BCHE: variants seen among roughly 807,000 people sequenced by gnomAD.
The protein encoded by BCHE is cholinesterase.
Under a neutral mutation model 51.3 loss-of-function variants are expected in BCHE, and 48 were observed. The observed-to-expected ratio is 0.94, with a 90% confidence interval of 0.74 to 1.19. BCHE has a LOEUF of 1.19. BCHE is among the 50% of genes most tolerant of loss of function. The probability of loss-of-function intolerance (pLI) is 0.00; values close to 1 mark genes in which losing one functional copy is unlikely to be tolerated. For synonymous variants in BCHE, 251 were observed against 238.0 expected (o/e 1.05, Z -0.50); for missense variants, 847 against 708.2 (o/e 1.20, Z -2.23).
chr3:165,797,360 C>T, intron 2 of BCHE, among the ~76,000 whole-genome samples: 1 of 109,802 alleles, frequency 9.1e-6, no homozygotes. Flanking sequence ...CTCCTTTCTT[C>T]CTTCCTTCCT....
chr3:165,809,684 C>A (rs1167048964), intron 2 of BCHE, among the ~76,000 whole-genome samples: 9 of 151,996 alleles, frequency 5.9e-5, no homozygotes, highest in Non-Finnish European at 8.8e-5. Flanking sequence ...ATAATTCACC[C>A]AAATTTCCAT....
At chr3:165,779,491 A>G (rs1398450675) in intron 3 of BCHE, among the ~76,000 whole-genome samples, 1 of 152,180 alleles carries the variant, frequency 6.6e-6, no homozygotes, top group Admixed American at 6.6e-5. Flanking sequence ...TTGTTCGTAG[A>G]CAACATGATT....
chr3:165,831,329 C>G (rs1219090987), intron 1 of BCHE, among the ~76,000 whole-genome samples: 3 of 151,952 alleles, frequency 2.0e-5, no homozygotes, highest in Non-Finnish European at 4.4e-5. Context: ...GAATGTTTGT[C>G]CTAGCCAAAT....
chr3:165,808,050 C>G (rs967849959), intron 2 of BCHE, among the ~76,000 whole-genome samples: 7 of 151,960 alleles, frequency 4.6e-5, no homozygotes, highest in Non-Finnish European at 7.4e-5. Flanking sequence ...GTGGCGCGAT[C>G]TCAGCTCACT....
At position 165,787,786 on chromosome 3, in the gene BCHE, G is replaced by A. The variant is rs550022628; in HGVS notation, c.1518-1475C>T. 3.9e-5 allele frequency among the ~76,000 whole-genome samples: 6 copies of A among 151,952 alleles called. No homozygotes were observed. In the South Asian group the frequency reaches 8.3e-4, roughly 21 times the overall value. ...CAGCCCTGGAAAATTGTTTGAAATC[G>A]AACTTGTAGGCATTTACTACTCTTG... On this transcript the variant is annotated intron_variant, in intron 2 of 3. Coordinates refer to ENST00000264381, the MANE Select transcript of BCHE (RefSeq NM_000055.4).
intron 3 of BCHE, among the ~76,000 whole-genome samples, chr3:165,779,072 G>A (rs905322770): frequency 1.5e-4 from 23 of 152,114 alleles, no homozygotes; most frequent in South Asian, 6.2e-4. Flanking sequence ...TGGTGTTTTG[G>A]AGAGGGGATT....
chr3:165,833,348 G>T (rs1715058681), intron 1 of BCHE, among the ~76,000 whole-genome samples: 1 of 152,076 alleles, frequency 6.6e-6, no homozygotes, highest in Admixed American at 6.6e-5. Flanking sequence ...CATTATAAGT[G>T]TACTCACGCA....
chr3:165,796,781 T>C (rs1404603009), intron 2 of BCHE, among the ~76,000 whole-genome samples: 1 of 152,128 alleles, frequency 6.6e-6, no homozygotes, highest in East Asian at 1.9e-4. Flanking sequence ...TGAAAACAAA[T>C]TGGTTTCCAG....
chr3:165,804,333 A>C (rs1713789311), intron 2 of BCHE, among the ~76,000 whole-genome samples: 1 of 152,214 alleles, frequency 6.6e-6, no homozygotes, highest in Admixed American at 6.5e-5. Flanking sequence ...AAAATGGGAA[A>C]GTAGCTATTA....
At chr3:165,781,490 A>T (rs953122787) in intron 3 of BCHE, among the ~76,000 whole-genome samples, 4 of 152,108 alleles carry the variant, frequency 2.6e-5, no homozygotes, top group Admixed American at 6.6e-5. Flanking sequence ...CTAACACAGG[A>T]ACAGAAAACC....
chr3:165,773,580 C>A, intron 3 of BCHE, 74 bp from the exon 4 acceptor site: 2 of 1,372,218 alleles, frequency 1.5e-6, no homozygotes, highest in Non-Finnish European at 2.0e-6. Context: ...ATTTCGAATA[C>A]AAAAGCCATT....
At chr3:165,827,559 TCTC>T (rs1714772639) in intron 2 of BCHE, among the ~76,000 whole-genome samples, 1 of 151,892 alleles carries the variant, frequency 6.6e-6, no homozygotes, top group South Asian at 2.1e-4. Context: ...TTCTTTGTGT[TCTC>T]CATTGTGAAA....
intron 2 of BCHE, among the ~76,000 whole-genome samples, chr3:165,813,201 A>G (rs1273388248): frequency 6.6e-6 from 1 of 151,852 alleles, no homozygotes; most frequent in African/African-American, 2.4e-5. Context: ...CTACTTACCA[A>G]TAAAATTTAC....
chr3:165,800,607 A>G (rs1312378975), intron 2 of BCHE, among the ~76,000 whole-genome samples: 1 of 152,138 alleles, frequency 6.6e-6, no homozygotes, highest in East Asian at 1.9e-4. Context: ...CTCTGTATAT[A>G]TAGACCTCAA....
chr3:165,774,680 C>T (rs1321181163), intron 3 of BCHE, among the ~76,000 whole-genome samples: 1 of 152,068 alleles, frequency 6.6e-6, no homozygotes, highest in Non-Finnish European at 1.5e-5. Context: ...TTGTTTCAGC[C>T]ACTTACCTTG....
chr3:165,830,870 G>C lies in BCHE; in HGVS notation c.164C>G (p.Ala55Gly), dbSNP rs114355070. Residue 55 changes from alanine (A) to glycine (G), a missense_variant, in exon 2 of 4, where the codon GCC becomes GGC. Coordinates refer to ENST00000264381, the MANE Select transcript of BCHE (RefSeq NM_000055.4). ...CTGTGCATAGGGAATTCCAAGAAAG[G>C]CTGTTACCGTGCCACCAAAAACTGT... ...NLTVFGGTVTAFLGIPYAQPP... is the reference protein window; with the variant it reads ...NLTVFGGTVTGFLGIPYAQPP... The C allele has an allele frequency of 2.1e-5, 34 of 1,613,816 alleles. No individual in the cohort carries two copies. The highest frequency in any genetic ancestry group is 3.3e-4 in the Middle Eastern group (2 of 6,082).
chr3:165,836,515 C>A (rs1443195961), intron 1 of BCHE, among the ~76,000 whole-genome samples: 2 of 151,874 alleles, frequency 1.3e-5, no homozygotes, highest in Non-Finnish European at 2.9e-5. Context: ...TTTCAGTTTA[C>A]TTTTAGTCAT....
chr3:165,781,597 G>C (rs1326026201), intron 3 of BCHE, among the ~76,000 whole-genome samples: 1 of 149,462 alleles, frequency 6.7e-6, no homozygotes, highest in Non-Finnish European at 1.5e-5. Context: ...GTCGGGGGTG[G>C]AGGGTGAGGG....
chr3:165,830,557 C>G lies in BCHE; in HGVS notation c.477G>C (p.Lys159Asn). Reference protein sequence around the residue: ...GTSSLHVYDGKFLARVERVIV... With the variant: ...GTSSLHVYDGNFLARVERVIV... ...TAACTCTTTCAACCCGAGCCAGAAA[C>G]TTGCCATCATAAACATGTAAAGATG... The change falls in exon 2 of 4, where the codon AAG (lysine) becomes AAC (asparagine). Residue 159 changes from lysine to asparagine, a missense_variant. By Grantham distance (94) the Lys-to-Asn change is moderately conservative. Coordinates refer to ENST00000264381, the MANE Select transcript of BCHE (RefSeq NM_000055.4). The G allele has an allele frequency of 6.2e-7, 1 of 1,613,998 alleles. No individual in the cohort carries two copies. The highest frequency in any genetic ancestry group is 2.2e-5 in the East Asian group (1 of 44,874).
Sources: allele counts gnomAD v4.1 joint callset (sites outside exome capture counted in the v4.1 genomes callset), GRCh38; gene constraint gnomAD v4.1.1; transcripts MANE v1.5; gene names NCBI Gene and HGNC (gene_info 2026-07-23, HGNC 2026-07-21).